The following LMNB1 variants were observed in gnomAD, a reference collection of about 807,000 sequenced individuals.
LMNB1 encodes the protein lamin-B1.
LMNB1 carries 23 observed loss-of-function variants against 67.1 expected under a neutral mutation model. The observed-to-expected ratio is 0.34, with a 90% CI of 0.25 to 0.49. The LOEUF (loss-of-function observed/expected upper bound fraction) is 0.49. Ranked by LOEUF, LMNB1 falls within the 20% of genes least tolerant of loss-of-function variation. The pLI, the probability that LMNB1 is intolerant of heterozygous loss-of-function variation, is 0.99. For synonymous variants in LMNB1, 281 were observed against 282.9 expected (o/e 0.99, Z 0.07); for missense variants, 634 against 746.5 (o/e 0.85, Z 1.76).
At position 126,784,562 on chromosome 5, in the gene LMNB1, G is replaced by C. The variant is rs573584870; in HGVS notation, c.359+6695G>C. Among the ~76,000 whole-genome samples the C allele has an allele frequency of 3.7e-4, 55 of 149,152 alleles. 1 individual carries two copies. In the South Asian group the frequency reaches 0.011, roughly 29 times the overall value. ...AGTAGAGATGGGGTTTCACCATCTTGCCCAGGCTGGTCTTGAGCTCCTGAC... is the reference window on the plus strand; with the variant it reads ...AGTAGAGATGGGGTTTCACCATCTTCCCCAGGCTGGTCTTGAGCTCCTGAC... On this transcript the variant is annotated intron_variant, in intron 1 of 10. Coordinates refer to ENST00000261366, the MANE Select transcript of LMNB1 (RefSeq NM_005573.4).
Position 126,804,828 on chromosome 5 carries a change from T to C in LMNB1, c.412T>C (p.Tyr138His), listed in dbSNP as rs1751375301. The change falls in exon 2 of 11, where the codon TAT (tyrosine) becomes CAT (histidine). Residue 138 changes from tyrosine to histidine, a missense_variant. Transcript: ENST00000261366. ...LNGAQIKLRE[Y>H]EAALNSKDAA... ...TGGCGCCCAGATCAAGCTTCGAGAATATGAAGCAGCACTGAATTCGAAAGA... is the reference window on the plus strand; with the variant it reads ...TGGCGCCCAGATCAAGCTTCGAGAACATGAAGCAGCACTGAATTCGAAAGA... 6.2e-7 allele frequency: 1 copy of C among 1,613,884 alleles called. No homozygotes were observed. The highest frequency in any genetic ancestry group is 1.7e-5 in the Admixed American group (1 of 59,996).
At chr5:126,809,130 C>T (rs1207624097) in intron 3 of LMNB1, among the ~76,000 whole-genome samples, 1 of 152,178 alleles carries the variant, frequency 6.6e-6, no homozygotes, top group African/African-American at 2.4e-5. Flanking sequence ...TTGCCTTGGC[C>T]TCCCAAAGTG....
intron 1 of LMNB1, among the ~76,000 whole-genome samples, chr5:126,794,024 T>C (rs985196262): frequency 3.3e-5 from 5 of 152,064 alleles, no homozygotes; most frequent in African/African-American, 1.2e-4. Context: ...TACCTCCATC[T>C]CCTGGGTTCA....
chr5:126,786,662 T>A (rs1378684191), intron 1 of LMNB1, among the ~76,000 whole-genome samples: 1 of 152,220 alleles, frequency 6.6e-6, no homozygotes, highest in Non-Finnish European at 1.5e-5. Flanking sequence ...CATCATTATC[T>A]GTGGTTGGTA....
intron 3 of LMNB1, among the ~76,000 whole-genome samples, chr5:126,809,702 A>G (rs561617212): frequency 1.6e-4 from 25 of 152,340 alleles, no homozygotes; most frequent in Non-Finnish European, 3.2e-4. Context: ...AGAAAAGAAA[A>G]GAAAAGAAAA....
At chr5:126,777,969 G>A in intron 1 of LMNB1, 102 bp downstream of exon 1, 3 of 1,050,602 alleles carry the variant, frequency 2.9e-6, no homozygotes, top group Non-Finnish European at 3.8e-6. Flanking sequence ...GCAGAGGCCA[G>A]GATGCACGCG....
intron 1 of LMNB1, among the ~76,000 whole-genome samples, chr5:126,793,493 G>A (rs930729405): frequency 3.3e-5 from 5 of 152,144 alleles, no homozygotes; most frequent in African/African-American, 1.2e-4. Flanking sequence ...TATTGGCACC[G>A]GAAACTATCC....
intron 1 of LMNB1, among the ~76,000 whole-genome samples, chr5:126,788,904 TG>T (rs1320781865): frequency 7.1e-5 from 6 of 84,776 alleles, no homozygotes; most frequent in African/African-American, 1.7e-4. Context: ...TTGTTTTTTT[TG>T]TTTTTTTTTT....
chr5:126,779,584 G>A (rs999932944), intron 1 of LMNB1, among the ~76,000 whole-genome samples: 6 of 152,184 alleles, frequency 3.9e-5, no homozygotes, highest in African/African-American at 1.4e-4. Context: ...GACCCATCAT[G>A]ATGGGTTTCA....
chr5:126,816,810 A>G (rs1485319196), intron 5 of LMNB1, among the ~76,000 whole-genome samples: 1 of 152,178 alleles, frequency 6.6e-6, no homozygotes, highest in Non-Finnish European at 1.5e-5. Flanking sequence ...CCGTTTTGTC[A>G]CATCGTATCA....
intron 1 of LMNB1, among the ~76,000 whole-genome samples, chr5:126,787,546 A>ATATATATATATTTTTTTT: frequency 7.6e-5 from 5 of 65,582 alleles, no homozygotes; most frequent in East Asian, 3.3e-4. Flanking sequence ...ATATATATAT[A>ATATATATATATTTTTTTT]TTTTTTTTTT....
intron 3 of LMNB1, among the ~76,000 whole-genome samples, chr5:126,806,630 A>G (rs964729534): frequency 1.3e-5 from 2 of 152,110 alleles, no homozygotes; most frequent in African/African-American, 4.8e-5. Flanking sequence ...AAGAAACACA[A>G]CGAGAACATG....
At chr5:126,797,314 G>A (rs966610076) in intron 1 of LMNB1, among the ~76,000 whole-genome samples, 2 of 152,132 alleles carry the variant, frequency 1.3e-5, no homozygotes, top group African/African-American at 4.8e-5. Flanking sequence ...TATGTTTTGT[G>A]ACTTATTTTC....
chr5:126,784,304 C>T (rs1750707466), intron 1 of LMNB1, among the ~76,000 whole-genome samples: 1 of 151,910 alleles, frequency 6.6e-6, no homozygotes, highest in Non-Finnish European at 1.5e-5. Context: ...GCGGGGATTA[C>T]AGGCGTGAGC....
chr5:126,810,415 A>G, intron 4 of LMNB1, 65 bp downstream of exon 4: 1 of 1,220,428 alleles, frequency 8.2e-7, no homozygotes, highest in South Asian at 1.6e-5. Context: ...CCCATGATGA[A>G]CATGGCTTTA....
chr5:126,800,911 C>G (rs983757544), intron 1 of LMNB1, among the ~76,000 whole-genome samples: 17 of 134,982 alleles, frequency 1.3e-4, no homozygotes, highest in African/African-American at 4.6e-4. Context: ...CTCGGCCTCC[C>G]AAAGTGCTGG....
At chr5:126,807,520 T>C (rs1751473881) in intron 3 of LMNB1, among the ~76,000 whole-genome samples, 2 of 152,222 alleles carry the variant, frequency 1.3e-5, no homozygotes, top group African/African-American at 4.8e-5. Context: ...GTGGTAAGGA[T>C]CAAAGTGGAA....
intron 8 of LMNB1, 28 bp downstream of exon 8, chr5:126,822,913 T>A: frequency 7.2e-7 from 1 of 1,398,586 alleles, no homozygotes; most frequent in Non-Finnish European, 1.0e-6. Context: ...TCATTTAATT[T>A]AACTTCATTG....
At chr5:126,811,995 GTTTGT>G in intron 5 of LMNB1, 97 bp downstream of exon 5, 3 of 1,214,638 alleles carry the variant, frequency 2.5e-6, no homozygotes, top group Non-Finnish European at 3.5e-6. Flanking sequence ...TCCTCCCTCT[GTTTGT>G]TACAGAGGAT....
Sources: allele counts gnomAD v4.1 joint callset (sites outside exome capture counted in the v4.1 genomes callset), GRCh38; gene constraint gnomAD v4.1.1; transcripts MANE v1.5; gene names NCBI Gene and HGNC (gene_info 2026-07-23, HGNC 2026-07-21).